PRR14L: variants seen among roughly 807,000 people sequenced by gnomAD.
PRR14L encodes the protein protein PRR14L.
PRR14L carries 80 observed loss-of-function variants against 155.0 expected under a neutral mutation model. That is an observed-to-expected ratio of 0.52 (90% CI 0.43 to 0.62). PRR14L has a LOEUF of 0.62. PRR14L is among the 20% of genes least tolerant of loss of function. PRR14L has a pLI of 0.00. For synonymous variants in PRR14L, 883 were observed against 916.0 expected (o/e 0.96, Z 0.65); for missense variants, 2,469 against 2,548.0 (o/e 0.97, Z 0.67).
Position 31,716,444 on chromosome 22 carries a change from A to G in PRR14L, c.1395T>C (p.Thr465=). 4 of 1,551,412 alleles carry G rather than the reference A, an allele frequency of 2.6e-6. No individual in the cohort carries two copies. The highest frequency in any genetic ancestry group is 3.5e-6 in the Non-Finnish European group (4 of 1,146,796). ...NSSSLMPNSF[T]EATEVMLNKN... is the part of the protein sequence containing the mutation. ...TATTTAACATTACTTCTGTGGCTTC[A>G]GTAAAAGAATTGGGCATTAAAGAAC... is the stretch of plus-strand genomic sequence containing the variant. Residue 465 remains threonine (T), a synonymous_variant, in exon 4 of 9, where the codon ACT becomes ACC. Transcript: ENST00000327423.
intron 7 of PRR14L, among the ~76,000 whole-genome samples, chr22:31,695,189 T>C (rs904530252): frequency 6.6e-6 from 1 of 152,194 alleles, no homozygotes; most frequent in African/African-American, 2.4e-5. Flanking sequence ...ATTTTACTGT[T>C]TACTATATGC....
At chr22:31,718,356 T>C (rs1378134095) in intron 3 of PRR14L, among the ~76,000 whole-genome samples, 2 of 150,524 alleles carry the variant, frequency 1.3e-5, no homozygotes, top group Non-Finnish European at 3.0e-5. Context: ...CCCGGGTTCA[T>C]GCCATTCTCC....
At chr22:31,699,181 C>T (rs1471948689) in intron 7 of PRR14L, among the ~76,000 whole-genome samples, 3 of 152,008 alleles carry the variant, frequency 2.0e-5, no homozygotes, top group Non-Finnish European at 4.4e-5. Context: ...GGATTACAGG[C>T]GTGTGCCACT....
At position 31,682,715 on chromosome 22, in the gene PRR14L, T is replaced by C. The variant is rs1468016550; in HGVS notation, c.*2812A>G. 3 of 152,202 alleles carry C rather than the reference T, an allele frequency of 2.0e-5. No individual in the cohort carries two copies. The highest frequency in any genetic ancestry group is 4.8e-5 in the African/African-American group (2 of 41,450). The allele number at this position is 152,202 out of a possible 1,614,324, so 9.4% of individuals were successfully genotyped here. ...AAAAACACTAAACCTCTGGAAGTGA[T>C]AGTTGAGTAAGCTGTAGTTAACTGT... On this transcript the variant is annotated 3_prime_UTR_variant, in exon 9 of 9. Transcript: ENST00000327423.
intron 8 of PRR14L, 78 bp downstream of exon 8, chr22:31,688,076 CTT>C: frequency 8.1e-7 from 1 of 1,236,550 alleles, no homozygotes; most frequent in South Asian, 1.4e-5. Flanking sequence ...AACATAAACT[CTT>C]TCTAAAGTGA....
chr22:31,710,599 C>T (rs1311969545), intron 4 of PRR14L, among the ~76,000 whole-genome samples: 3 of 151,674 alleles, frequency 2.0e-5, no homozygotes, highest in African/African-American at 7.3e-5. Flanking sequence ...ACTACAGGCA[C>T]CCGCCACTAT....
intron 3 of PRR14L, among the ~76,000 whole-genome samples, chr22:31,724,678 G>C (rs1238150834): frequency 6.6e-6 from 1 of 152,144 alleles, no homozygotes; most frequent in African/African-American, 2.4e-5. Flanking sequence ...GATTACAGAC[G>C]TGAGCCACTG....
intron 3 of PRR14L, among the ~76,000 whole-genome samples, 182 bp from the exon 4 acceptor site, chr22:31,717,473 A>G (rs2074666746): frequency 6.6e-6 from 1 of 152,228 alleles, no homozygotes; most frequent in South Asian, 2.1e-4. Flanking sequence ...ACAGAGGGCC[A>G]AAACTATATC....
chr22:31,732,359 T>A (rs569202679), intron 2 of PRR14L, among the ~76,000 whole-genome samples: 1 of 152,294 alleles, frequency 6.6e-6, no homozygotes, highest in East Asian at 1.9e-4. Context: ...TTTCCACCAT[T>A]CCCTAAACAG....
At chr22:31,727,431 A>C (rs1444822252) in intron 2 of PRR14L, among the ~76,000 whole-genome samples, 1 of 151,478 alleles carries the variant, frequency 6.6e-6, no homozygotes, top group Non-Finnish European at 1.5e-5. Flanking sequence ...ACAGGGTTTC[A>C]CCGTTGTTGC....
chr22:31,711,384 C>T (rs2074620990), intron 4 of PRR14L, among the ~76,000 whole-genome samples: 1 of 151,944 alleles, frequency 6.6e-6, no homozygotes, highest in Non-Finnish European at 1.5e-5. Flanking sequence ...GGCAGGAGAA[C>T]CGCTTGAATC....
intron 4 of PRR14L, among the ~76,000 whole-genome samples, chr22:31,711,606 C>A (rs943689792): frequency 3.1e-4 from 47 of 151,340 alleles, no homozygotes; most frequent in Non-Finnish European, 5.9e-4. Flanking sequence ...CATGGAGAAA[C>A]CCCCGTCTCT....
rs2074474360 is a variant in PRR14L at position 31,684,827 on chromosome 22, GAAAAT to G, written c.*695_*699del. ...ATAGTACAAAAACAACAACAAAAAA[GAAAAT>G]AAAACAAATGAAAATAATCCACACC... On this transcript the variant is annotated 3_prime_UTR_variant, in exon 9 of 9. Transcript: ENST00000327423. 1 of 152,048 alleles carries G rather than the reference GAAAAT, an allele frequency of 6.6e-6. No homozygotes were observed. Among genetic ancestry groups the G allele is most frequent in the Non-Finnish European group, 1.5e-5 (1 of 68,006 alleles). The allele number at this position is 152,048 out of a possible 1,614,324, so 9.4% of individuals were successfully genotyped here. A position where few individuals can be genotyped will look rare whatever the true frequency, so the allele number is the denominator to read the frequency against.
intron 8 of PRR14L, 109 bp from the exon 9 acceptor site, chr22:31,685,912 AC>A (rs2074479856): frequency 2.1e-6 from 2 of 941,626 alleles, no homozygotes; most frequent in South Asian, 3.5e-5. Flanking sequence ...GTCAACAGGG[AC>A]TGAAAGCTAC....
chr22:31,708,883 A>G (rs2074605925), intron 4 of PRR14L, among the ~76,000 whole-genome samples: 1 of 151,492 alleles, frequency 6.6e-6, no homozygotes, highest in Admixed American at 6.6e-5. Flanking sequence ...CTGGAGTGCA[A>G]TGGTGCAATC....
rs1191438526 is a variant in PRR14L, at chr22:31,713,505, T to A, written c.4334A>T (p.Asn1445Ile). Reference protein sequence around the residue: ...KADKDESTMINEITLAKLAKD... With the variant: ...KADKDESTMIIEITLAKLAKD... ...GGCCAGCTTTGCTAGGGTGATTTCA[T>A]TGATCATGGTGGACTCATCTTTGTC... The change falls in exon 4 of 9, where the codon AAT (asparagine) becomes ATT (isoleucine). Residue 1445 changes from asparagine to isoleucine, a missense_variant. This residue lies in a region of PRR14L where 2,363 missense variants were observed against 2,371.6 expected (regional missense o/e 1.00). Transcript: ENST00000327423. 1.3e-6 allele frequency: 2 copies of A among 1,552,030 alleles called. No individual in the cohort carries two copies. The highest frequency in any genetic ancestry group is 1.7e-6 in the Non-Finnish European group (2 of 1,147,094).
chr22:31,730,425 C>T (rs1361240108), intron 2 of PRR14L, among the ~76,000 whole-genome samples: 1 of 152,038 alleles, frequency 6.6e-6, no homozygotes, highest in Non-Finnish European at 1.5e-5. Context: ...GCCTGGGCTA[C>T]AGAGCGAGAC....
intron 7 of PRR14L, among the ~76,000 whole-genome samples, chr22:31,697,012 G>A (rs1420360780): frequency 1.3e-5 from 2 of 152,156 alleles, no homozygotes; most frequent in African/African-American, 2.4e-5. Flanking sequence ...CTACGCGGGG[G>A]GCTGAGGCAG....
At chr22:31,706,788 G>A (rs28374732) in intron 4 of PRR14L, among the ~76,000 whole-genome samples, 4,768 of 151,948 alleles carry the variant, frequency 0.031, 159 homozygotes, top group Admixed American at 0.11. Flanking sequence ...GGTGGCTCGC[G>A]CCTATAATTC....
Sources: allele counts gnomAD v4.1 joint callset (sites outside exome capture counted in the v4.1 genomes callset), GRCh38; gene constraint gnomAD v4.1.1; regional missense constraint gnomAD v4.1.1; transcripts MANE v1.5; gene names NCBI Gene and HGNC (gene_info 2026-07-23, HGNC 2026-07-21).